LPP: variants seen among roughly 807,000 people sequenced by gnomAD.
The protein encoded by LPP is LIM domain containing preferred translocation partner in lipoma.
LPP carries 38 observed loss-of-function variants against 60.4 expected under a neutral mutation model. The observed-to-expected ratio is 0.63, with a 90% CI of 0.49 to 0.83. The LOEUF is 0.83. LPP is among the 40% of genes least tolerant of loss of function. The probability of loss-of-function intolerance (pLI) is 0.00; values close to 1 mark genes in which losing one functional copy is unlikely to be tolerated. For missense variants in LPP, 902 were observed against 783.6 expected (o/e 1.15, Z -1.80); for synonymous variants, 328 against 290.8 (o/e 1.13, Z -1.30).
At chr3:188,371,123 C>T (rs1426230144) in intron 3 of LPP, among the ~76,000 whole-genome samples, 1 of 152,038 alleles carries the variant, frequency 6.6e-6, no homozygotes, top group Non-Finnish European at 1.5e-5. Flanking sequence ...TGGTGCTGTA[C>T]CAAGATCTCT....
intron 8 of LPP, among the ~76,000 whole-genome samples, chr3:188,749,237 A>AGG (rs1052868877): frequency 5.9e-5 from 9 of 152,306 alleles, no homozygotes; most frequent in African/African-American, 2.2e-4. Flanking sequence ...TACTTGAGGT[A>AGG]GGGCACCTGG....
chr3:188,584,814 T>A (rs1837075700), intron 6 of LPP, among the ~76,000 whole-genome samples: 3 of 152,070 alleles, frequency 2.0e-5, no homozygotes, highest in Non-Finnish European at 4.4e-5. Context: ...TCTTCTTTTC[T>A]ACCAACCTTT....
At chr3:188,278,030 A>G (rs1577789716) in intron 2 of LPP, among the ~76,000 whole-genome samples, 1 of 152,080 alleles carries the variant, frequency 6.6e-6, no homozygotes, top group East Asian at 1.9e-4. Flanking sequence ...CTTGTGCTGG[A>G]TTTTAGCCCC....
intron 3 of LPP, among the ~76,000 whole-genome samples, chr3:188,372,102 C>T (rs1773444514): frequency 6.6e-6 from 1 of 151,720 alleles, no homozygotes; most frequent in African/African-American, 2.4e-5. Flanking sequence ...ACAGAGATGC[C>T]TCTCATATAA....
chr3:188,153,570 G>A (rs1262507222), upstream of LPP: 2 of 152,412 alleles, frequency 1.3e-5, no homozygotes, highest in African/African-American at 4.8e-5. Context: ...CAGGGGCAAA[G>A]TCTCCACATC....
At chr3:188,245,790 C>T (rs903594211) in intron 2 of LPP, among the ~76,000 whole-genome samples, 1 of 152,074 alleles carries the variant, frequency 6.6e-6, no homozygotes, top group Non-Finnish European at 1.5e-5. Flanking sequence ...GATCCTCCCA[C>T]CTCGGCCTTC....
intron 6 of LPP, among the ~76,000 whole-genome samples, chr3:188,591,975 A>T (rs1245405000): frequency 6.6e-6 from 1 of 152,170 alleles, no homozygotes; most frequent in East Asian, 1.9e-4. Flanking sequence ...TGGAGGTGGG[A>T]GCTGACATTT....
At chr3:188,676,326 CAATT>C (rs1000856981) in intron 7 of LPP, among the ~76,000 whole-genome samples, 1 of 152,044 alleles carries the variant, frequency 6.6e-6, no homozygotes, top group African/African-American at 2.4e-5. Context: ...TACAAGCTGT[CAATT>C]AAGTGTTTTC....
intron 6 of LPP, among the ~76,000 whole-genome samples, chr3:188,600,804 ATTTGTTT>A (rs1463176844): frequency 1.9e-4 from 29 of 151,064 alleles, no homozygotes; most frequent in Admixed American, 1.5e-3. Context: ...ACCATATGGT[ATTTGTTT>A]TTTGTTTTTT....
intron 1 of LPP, among the ~76,000 whole-genome samples, chr3:188,165,493 G>A (rs1719665920): frequency 6.6e-6 from 1 of 152,024 alleles, no homozygotes; most frequent in Non-Finnish European, 1.5e-5. Context: ...TCATGAAGGT[G>A]GACTGCATAG....
chr3:188,788,330 C>G (rs1309424309), intron 9 of LPP, among the ~76,000 whole-genome samples: 1 of 152,180 alleles, frequency 6.6e-6, no homozygotes, highest in Non-Finnish European at 1.5e-5. Context: ...TTGTCTCATG[C>G]CTGTGGCTGG....
intron 7 of LPP, among the ~76,000 whole-genome samples, chr3:188,641,145 A>T (rs1264243104): frequency 6.6e-6 from 1 of 152,006 alleles, no homozygotes; most frequent in Non-Finnish European, 1.5e-5. Context: ...TGCGTTATGC[A>T]TTTCCCTTGG....
At position 188,610,801 on chromosome 3, in the gene LPP, G is replaced by T. The variant is rs1182708016; in HGVS notation, c.1113+957G>T. ...CCAATAAGAATAACTTGGAATCGGT[G>T]AAAATAGAGGAACTGAGCCAGTTTC... is the stretch of plus-strand genomic sequence containing the variant. On this transcript the variant is annotated intron_variant, in intron 7 of 11. Transcript: ENST00000617246. The surrounding 1 kb of genome is among the most constrained non-coding windows in gnomAD (Gnocchi z 4.4). Among the ~76,000 whole-genome samples, 2 of 152,154 alleles carry T rather than the reference G, an allele frequency of 1.3e-5. No individual in the cohort carries two copies. Among genetic ancestry groups the T allele is most frequent in the African/African-American group, 4.8e-5 (2 of 41,434 alleles).
At chr3:188,471,611 C>T (rs895277035) in intron 4 of LPP, among the ~76,000 whole-genome samples, 1 of 152,152 alleles carries the variant, frequency 6.6e-6, no homozygotes, top group Non-Finnish European at 1.5e-5. Context: ...GTTAGCAGGT[C>T]TGTGGGTTAT....
At chr3:188,521,815 T>C (rs1478480756) in intron 5 of LPP, among the ~76,000 whole-genome samples, 1 of 152,106 alleles carries the variant, frequency 6.6e-6, no homozygotes, top group African/African-American at 2.4e-5. Context: ...CAGACAACAC[T>C]CTACCACCCT....
At chr3:188,307,810 A>C (rs572658532) in intron 2 of LPP, among the ~76,000 whole-genome samples, 26 of 152,342 alleles carry the variant, frequency 1.7e-4, no homozygotes, top group African/African-American at 5.8e-4. Context: ...TTATTAACAC[A>C]GGGAATACAG....
intron 2 of LPP, among the ~76,000 whole-genome samples, chr3:188,276,695 TTCTCTCTCTCTCTCTCTC>T (rs768545804): frequency 3.0e-4 from 5 of 16,404 alleles, no homozygotes; most frequent in South Asian, 1.9e-3. Flanking sequence ...CTCTCTCTCT[TTCTCTCTCTCTCTCTCTC>T]TCTCTCTCTC....
intron 4 of LPP, among the ~76,000 whole-genome samples, chr3:188,463,771 GGC>G (rs1799702492): frequency 6.6e-6 from 1 of 152,120 alleles, no homozygotes; most frequent in Admixed American, 6.6e-5. Flanking sequence ...CTTTTGATGA[GGC>G]AGAGAACGGT....
At chr3:188,798,027 A>G (rs1489329889) in intron 9 of LPP, among the ~76,000 whole-genome samples, 3 of 152,214 alleles carry the variant, frequency 2.0e-5, no homozygotes, top group African/African-American at 4.8e-5. Context: ...CTTATAAGAC[A>G]GCTCCTGGTG....
Sources: gnomAD v4.1 joint callset for allele counts (sites outside exome capture counted in the v4.1 genomes callset) on GRCh38, gnomAD v4.1.1 for gene constraint, Gnocchi (gnomAD v3.1) non-coding constraint, MANE v1.5 for transcripts, NCBI Gene and HGNC (gene_info 2026-07-23, HGNC 2026-07-21) for gene names.